The following CD200R1L variants were observed in gnomAD, a reference collection of about 807,000 sequenced individuals.
CD200R1L encodes the protein cell surface glycoprotein CD200 receptor 2.
In CD200R1L, 14 loss-of-function variants were observed where a neutral mutation model predicts 24.8. The ratio of observed to expected loss-of-function variants is 0.56; its 90% CI spans 0.37 to 0.88. The LOEUF is 0.88. Among genes scored for constraint, CD200R1L ranks in the 40% least tolerant of loss-of-function variants. CD200R1L has a pLI of 0.00. For synonymous variants in CD200R1L, 111 were observed against 109.2 expected (o/e 1.02, Z -0.11); for missense variants, 299 against 297.8 (o/e 1.00, Z -0.03).
At chr3:112,819,361 A>T (rs922241455) in intron 7 of CD200R1L, among the ~76,000 whole-genome samples, 3 of 152,338 alleles carry the variant, frequency 2.0e-5, no homozygotes, top group African/African-American at 7.2e-5. Context: ...TCAAATATAA[A>T]TTGACATCCA....
At position 112,827,402 on chromosome 3, in the gene CD200R1L, C is replaced by A. The variant is rs1938688987; in HGVS notation, c.332G>T (p.Gly111Val). The A allele has an allele frequency of 1.9e-6, 3 of 1,613,888 alleles. No individual in the cohort carries two copies. Among genetic ancestry groups the A allele is most frequent in the Non-Finnish European group, 1.7e-6 (2 of 1,179,984 alleles). Reference protein sequence around the residue: ...YYRGIVVTPDGNFHRGYHLQV... With the variant: ...YYRGIVVTPDVNFHRGYHLQV... ...GAGGTGATATCCACGATGGAAATTC[C>A]CATCAGGTGTTACCACTATGCCTCT... The change falls in exon 5 of 8, where the codon GGG becomes GTG. Residue 111 changes from glycine (G) to valine (V), a missense_variant. Physicochemically the swap from Gly to Val is moderately radical, Grantham distance 109. Coordinates refer to ENST00000488794, the MANE Select transcript of CD200R1L (RefSeq NM_001199215.3).
chr3:112,827,055 G>A lies in CD200R1L; in HGVS notation c.554C>T (p.Thr185Ile), dbSNP rs778220851. Residue 185 changes from threonine to isoleucine, a missense_variant, in exon 6 of 8, where the codon ACT becomes ATT. Physicochemically the swap from Thr to Ile is moderately conservative, Grantham distance 89. Transcript: ENST00000488794. Reference protein sequence around the residue: ...STCPWEGHKSTVTCHVSHLTG... With the variant: ...STCPWEGHKSIVTCHVSHLTG... ...CAAATGGGAGACATGGCAGGTCACAGTAGACTTGTGGCCCTCCCAGGGGCA... is the reference window on the plus strand; with the variant it reads ...CAAATGGGAGACATGGCAGGTCACAATAGACTTGTGGCCCTCCCAGGGGCA... 1.4e-5 allele frequency: 22 copies of A among 1,602,636 alleles called. No individual in the cohort carries two copies. In the African/African-American group the frequency reaches 1.6e-4, roughly 12 times the overall value.
intron 3 of CD200R1L, among the ~76,000 whole-genome samples, chr3:112,830,217 G>A (rs971163654): frequency 2.0e-5 from 3 of 152,170 alleles, no homozygotes; most frequent in Non-Finnish European, 2.9e-5. Flanking sequence ...AATATATGAT[G>A]TTCCTTTCCT....
intron 2 of CD200R1L, among the ~76,000 whole-genome samples, chr3:112,843,056 C>A (rs547764703): frequency 6.6e-6 from 1 of 152,120 alleles, no homozygotes; most frequent in African/African-American, 2.4e-5. Flanking sequence ...CTCAGAGGAC[C>A]AGCGGGTCTC....
At chr3:112,829,510 A>C in intron 3 of CD200R1L, 126 bp from the exon 4 acceptor site, 2 of 1,293,654 alleles carry the variant, frequency 1.5e-6, no homozygotes, top group Non-Finnish European at 2.1e-6. Flanking sequence ...TTATACAAAA[A>C]TCATTGTAAA....
intron 6 of CD200R1L, among the ~76,000 whole-genome samples, chr3:112,825,265 A>G (rs1258404044): frequency 1.3e-5 from 2 of 151,608 alleles, no homozygotes. Flanking sequence ...AAAAAAAAAA[A>G]AAAGAAATTG....
chr3:112,839,632 A>G (rs1287287090), intron 2 of CD200R1L, among the ~76,000 whole-genome samples: 1 of 152,230 alleles, frequency 6.6e-6, no homozygotes, highest in Admixed American at 6.5e-5. Flanking sequence ...CACAAATTGA[A>G]TTCCTAACCT....
Position 112,840,653 on chromosome 3 carries a change from G to T in CD200R1L, c.-86-2643C>A, listed in dbSNP as rs1019365603. On this transcript the variant is annotated intron_variant, in intron 2 of 7. Coordinates refer to ENST00000488794, the MANE Select transcript of CD200R1L (RefSeq NM_001199215.3). ...TGACCTTAAACATGGACCAAATTGT[G>T]GTCTACACTAAATAAAAATAAAATA... Among the ~76,000 whole-genome samples the T allele has an allele frequency of 8.6e-5, 13 of 152,046 alleles. 1 individual carries two copies. The highest frequency in any genetic ancestry group is 2.9e-4 in the African/African-American group (12 of 41,466).
At chr3:112,832,431 T>C (rs1261431221) in intron 3 of CD200R1L, among the ~76,000 whole-genome samples, 2 of 152,276 alleles carry the variant, frequency 1.3e-5, no homozygotes, top group East Asian at 3.9e-4. Context: ...ATCTGTAAAG[T>C]AAGTGCTATT....
Position 112,815,791 on chromosome 3 carries a change from G to A in CD200R1L, c.*172C>T, listed in dbSNP as rs1016937130. 3.4e-6 allele frequency: 2 copies of A among 589,126 alleles called. No individual in the cohort carries two copies. The highest frequency in any genetic ancestry group is 3.7e-5 in the African/African-American group (2 of 53,348). 36.5% of individuals were successfully genotyped at this position (589,126 alleles called of 1,614,324 possible). A position where few individuals can be genotyped will look rare whatever the true frequency, so the allele number is the denominator to read the frequency against. ...TTGAGGGTTTATAGGGAAACTTCAT[G>A]GTCATCAAGCCCAGGATCCTTCTTC... On this transcript the variant is annotated 3_prime_UTR_variant, in exon 8 of 8. Transcript: ENST00000488794.
chr3:112,827,713 T>A, intron 4 of CD200R1L, 29 bp from the exon 5 acceptor site: 2 of 1,579,478 alleles, frequency 1.3e-6, no homozygotes, highest in Non-Finnish European at 1.7e-6. Context: ...GATAATGATA[T>A]AGAAAACCTT....
At chr3:112,820,597 ATTTTTGTATT>A (rs1473424975) in intron 6 of CD200R1L, among the ~76,000 whole-genome samples, 1 of 151,644 alleles carries the variant, frequency 6.6e-6, no homozygotes, top group Admixed American at 6.6e-5. Context: ...CGCCTGGCTA[ATTTTTGTATT>A]TTTAGGAGAG....
Position 112,819,909 on chromosome 3 carries a change from C to G in CD200R1L, c.617-14G>C. The stretch of plus-strand genomic sequence containing the variant: ...AGGTTCTGAGACCTTTAAATACAGA[C>G]AGGGGTGAAAAATCATTTCAAGCAT... On this transcript the variant is annotated splice_polypyrimidine_tract_variant and intron_variant, in intron 6 of 7. Transcript: ENST00000488794. 1 of 1,561,332 alleles carries G rather than the reference C, an allele frequency of 6.4e-7. No homozygotes were observed. Among genetic ancestry groups the G allele is most frequent in the Non-Finnish European group, 8.6e-7 (1 of 1,160,966 alleles).
intron 5 of CD200R1L, 63 bp from the exon 6 acceptor site, chr3:112,827,304 G>A: frequency 6.3e-7 from 1 of 1,588,630 alleles, no homozygotes; most frequent in Admixed American, 1.7e-5. Context: ...GGAATTCAGA[G>A]AGACATTTGT....
Position 112,827,157 on chromosome 3 carries a change from G to T in CD200R1L, c.452C>A (p.Ser151Tyr). 6.2e-7 allele frequency: 1 copy of T among 1,613,590 alleles called. No homozygotes were observed. The highest frequency in any genetic ancestry group is 1.8e-4 in the Middle Eastern group (1 of 5,620). The change falls in exon 6 of 8, where the codon TCC becomes TAC. Residue 151 changes from serine (S) to tyrosine (Y), a missense_variant. Physicochemically the swap from Ser to Tyr is moderately radical, Grantham distance 144. Coordinates refer to ENST00000488794, the MANE Select transcript of CD200R1L (RefSeq NM_001199215.3). The part of the protein sequence containing the change: ...AVTGKPAAQI[S>Y]WIPEGSILAT... Reference sequence around the variant, plus strand: ...AAGAATAGATCCCTCTGGGATCCAGGAGATCTGGGCAGCTGGCTTCCCTGT... The same window carrying T: ...AAGAATAGATCCCTCTGGGATCCAGTAGATCTGGGCAGCTGGCTTCCCTGT...
At chr3:112,831,720 G>C (rs1938804824) in intron 3 of CD200R1L, among the ~76,000 whole-genome samples, 1 of 152,150 alleles carries the variant, frequency 6.6e-6, no homozygotes, top group Non-Finnish European at 1.5e-5. Flanking sequence ...CTGGGAGAAG[G>C]GCTTGAAACA....
intron 2 of CD200R1L, among the ~76,000 whole-genome samples, chr3:112,845,462 C>G (rs974603200): frequency 7.2e-5 from 11 of 152,172 alleles, no homozygotes; most frequent in Non-Finnish European, 1.5e-4. Flanking sequence ...TCACTTCAAT[C>G]CCAGCCCCCA....
chr3:112,823,091 T>C (rs1057115581), intron 6 of CD200R1L, among the ~76,000 whole-genome samples: 3 of 152,248 alleles, frequency 2.0e-5, no homozygotes, highest in Non-Finnish European at 4.4e-5. Context: ...TTATAACTCA[T>C]AAACCAGCTT....
rs758638949 is a variant in CD200R1L at position 112,827,133 on chromosome 3, A to G, written c.476T>C (p.Leu159Pro). 6.2e-7 allele frequency: 1 copy of G among 1,613,496 alleles called. No individual in the cohort carries two copies. The highest frequency in any genetic ancestry group is 8.5e-7 in the Non-Finnish European group (1 of 1,180,038). The change falls in exon 6 of 8, where the codon CTT becomes CCT. Residue 159 changes from leucine (L) to proline (P), a missense_variant. Physicochemically the swap from Leu to Pro is moderately conservative, Grantham distance 98. Coordinates refer to ENST00000488794, the MANE Select transcript of CD200R1L (RefSeq NM_001199215.3). ...GCCCCAGTATTCTTGCTTAGTGGCA[A>G]GAATAGATCCCTCTGGGATCCAGGA... ...QISWIPEGSI[L>P]ATKQEYWGNG...
Sources: gnomAD v4.1 joint callset for allele counts (sites outside exome capture counted in the v4.1 genomes callset) on GRCh38, gnomAD v4.1.1 for gene constraint, MANE v1.5 for transcripts, NCBI Gene and HGNC (gene_info 2026-07-23, HGNC 2026-07-21) for gene names.